MYO10: variants seen among roughly 807,000 people sequenced by gnomAD.
The protein encoded by MYO10 is unconventional myosin-X.
Under a neutral mutation model 257.3 loss-of-function variants are expected in MYO10, and 133 were observed. The observed-to-expected ratio is 0.52, with a 90% confidence interval of 0.45 to 0.60. MYO10 has a LOEUF of 0.60. Among genes scored for constraint, MYO10 ranks in the 20% least tolerant of loss-of-function variants. The probability of loss-of-function intolerance (pLI) is 0.00; values close to 1 mark genes in which losing one functional copy is unlikely to be tolerated. For missense variants in MYO10, 2,399 were observed against 2,635.7 expected (o/e 0.91, Z 1.97); for synonymous variants, 1,104 against 1,028.6 (o/e 1.07, Z -1.40).
intron 24 of MYO10, among the ~76,000 whole-genome samples, 169 bp downstream of exon 24, chr5:16,702,374 C>T (rs1044029206): frequency 8.5e-5 from 13 of 152,236 alleles, no homozygotes; most frequent in African/African-American, 2.7e-4. Flanking sequence ...CCATTCACTA[C>T]GCTTTACCCA....
intron 2 of MYO10, among the ~76,000 whole-genome samples, chr5:16,861,757 T>C (rs556871215): frequency 3.9e-5 from 6 of 152,220 alleles, no homozygotes; most frequent in Middle Eastern, 3.4e-3. Context: ...CCAACTCCCA[T>C]TACCAGTCTC....
Position 16,676,711 on chromosome 5 carries a change from G to A in MYO10, c.4543-557C>T, listed in dbSNP as rs554467111. ...AGCCTGGCTGACAGAGCGAGACTCC[G>A]TCTCAAAAAAAAATTTAGGCTGGGC... On this transcript the variant is annotated intron_variant, in intron 33 of 40. Coordinates refer to ENST00000513610, the MANE Select transcript of MYO10 (RefSeq NM_012334.3). Among the ~76,000 whole-genome samples the A allele has an allele frequency of 3.9e-5, 6 of 152,154 alleles. No individual in the cohort carries two copies. The South Asian group carries it at 8.3e-4, about 21-fold the overall frequency.
chr5:16,806,445 GACCACGTTAAC>G (rs1343144407), intron 3 of MYO10, among the ~76,000 whole-genome samples: 1 of 151,020 alleles, frequency 6.6e-6, no homozygotes, highest in Non-Finnish European at 1.5e-5. Context: ...AGGAGATCGA[GACCACGTTAAC>G]ACGGTGAAAC....
rs754766451 is a variant in MYO10 at position 16,668,423 on chromosome 5, C to T, written c.5929G>A (p.Ala1977Thr). 6.8e-6 allele frequency: 11 copies of T among 1,613,154 alleles called. No individual in the cohort carries two copies. Among genetic ancestry groups the T allele is most frequent in the Middle Eastern group, 1.6e-4 (1 of 6,066 alleles). Reference sequence around the variant, plus strand: ...CGCTTGTAGACGGAGACGGCGTCCGCGCTGACACCCAACCAGAGTTCCTGA... The same window carrying T: ...CGCTTGTAGACGGAGACGGCGTCCGTGCTGACACCCAACCAGAGTTCCTGA... ...FPQELWLGVSADAVSVYKRGE... is the reference protein window; with the variant it reads ...FPQELWLGVSTDAVSVYKRGE... Residue 1977 changes from alanine to threonine, a missense_variant, in exon 40 of 41, where the codon GCG becomes ACG. Ala to Thr is a moderately conservative substitution (Grantham distance 58). Around this residue, in one of 3 missense-constraint regions of MYO10, gnomAD observed 1,820 missense variants for 1,939.4 expected, o/e 0.94. Coordinates refer to ENST00000513610, the MANE Select transcript of MYO10 (RefSeq NM_012334.3).
At chr5:16,688,211 G>GT (rs1377327762) in intron 28 of MYO10, among the ~76,000 whole-genome samples, 1 of 152,124 alleles carries the variant, frequency 6.6e-6, no homozygotes, top group Non-Finnish European at 1.5e-5. Context: ...AGGTTTGCTT[G>GT]TTTTTCCAGT....
chr5:16,797,457 C>T (rs1297577510), intron 3 of MYO10, among the ~76,000 whole-genome samples: 4 of 152,046 alleles, frequency 2.6e-5, no homozygotes, highest in Admixed American at 1.3e-4. Flanking sequence ...TACCATATGA[C>T]CCAGCGATTC....
At chr5:16,788,622 G>T (rs754765425) in intron 4 of MYO10, among the ~76,000 whole-genome samples, 6 of 152,060 alleles carry the variant, frequency 3.9e-5, no homozygotes, top group Admixed American at 6.6e-5. Flanking sequence ...ACTTAAGTCT[G>T]GGACTCAAAT....
At chr5:16,771,031 G>A (rs1741033296) in intron 9 of MYO10, among the ~76,000 whole-genome samples, 1 of 152,136 alleles carries the variant, frequency 6.6e-6, no homozygotes, top group Non-Finnish European at 1.5e-5. Context: ...GCTTCCCAAA[G>A]TGCCAGGATT....
At chr5:16,859,177 G>A (rs1744044677) in intron 2 of MYO10, among the ~76,000 whole-genome samples, 1 of 152,168 alleles carries the variant, frequency 6.6e-6, no homozygotes, top group Non-Finnish European at 1.5e-5. Context: ...AACTACCACA[G>A]ACTGGATGGC....
intron 19 of MYO10, among the ~76,000 whole-genome samples, chr5:16,740,331 G>C (rs1477391022): frequency 6.6e-6 from 1 of 152,092 alleles, no homozygotes; most frequent in African/African-American, 2.4e-5. Context: ...CGTTAATTCA[G>C]GGCGGCTAAT....
rs575284564 is a variant in MYO10, at chr5:16,747,873, C to G, written c.1929+6955G>C. 2.9e-3 allele frequency among the ~76,000 whole-genome samples: 356 copies of G among 124,792 alleles called. 1 individual carries two copies. Among genetic ancestry groups the G allele is most frequent in the Admixed American group, 9.7e-3 (91 of 9,400 alleles). 81.9% of individuals were successfully genotyped at this position (124,792 alleles called of 152,430 possible). A position where few individuals can be genotyped will look rare whatever the true frequency, so the allele number is the denominator to read the frequency against. On this transcript the variant is annotated intron_variant, in intron 19 of 40. Transcript: ENST00000513610. ...GGCGGAGCTTGCAGTGAGCCGAGAT[C>G]GTGCCACTGCACTCTAGACTGGGCG...
chr5:16,783,194 CA>C (rs1219724204), intron 5 of MYO10, 140 bp downstream of exon 5: 1 of 862,956 alleles, frequency 1.2e-6, no homozygotes, highest in African/African-American at 1.7e-5. Context: ...ATGTGCATGG[CA>C]AGACCTTTTC....
chr5:16,696,893 A>G (rs1376052746), intron 26 of MYO10, among the ~76,000 whole-genome samples: 15 of 151,892 alleles, frequency 9.9e-5, no homozygotes, highest in African/African-American at 3.6e-4. Context: ...ATACATTAAG[A>G]GGAATATTGA....
intron 2 of MYO10, among the ~76,000 whole-genome samples, chr5:16,860,541 T>C (rs1224308118): frequency 1.3e-5 from 2 of 152,196 alleles, no homozygotes; most frequent in South Asian, 2.1e-4. Flanking sequence ...CCAGTGGTTA[T>C]GAAGCAGCTG....
At chr5:16,766,001 A>T in intron 11 of MYO10, 79 bp downstream of exon 11, 2 of 942,252 alleles carry the variant, frequency 2.1e-6, no homozygotes, top group Non-Finnish European at 3.4e-6. Flanking sequence ...TATTATAATT[A>T]CATATTTCAA....
intron 40 of MYO10, among the ~76,000 whole-genome samples, chr5:16,667,643 C>T (rs1736236536): frequency 6.6e-6 from 1 of 151,700 alleles, no homozygotes; most frequent in South Asian, 2.1e-4. Flanking sequence ...ATGCCACATC[C>T]TCCAAGCAGC....
At position 16,748,447 on chromosome 5, in the gene MYO10, G is replaced by A. The variant is rs543500606; in HGVS notation, c.1929+6381C>T. 3.9e-5 allele frequency among the ~76,000 whole-genome samples: 6 copies of A among 152,038 alleles called. No individual in the cohort carries two copies. In the South Asian group the frequency reaches 6.2e-4, roughly 16 times the overall value. On this transcript the variant is annotated intron_variant, in intron 19 of 40. Coordinates refer to ENST00000513610, the MANE Select transcript of MYO10 (RefSeq NM_012334.3). ...TTTGGTAGAGATGGGGTTTCACCAC[G>A]TTGGCCAGGCTGGTCTCGAACTCCT...
chr5:16,714,257 G>A (rs113721951), intron 19 of MYO10, among the ~76,000 whole-genome samples: 2,847 of 151,864 alleles, frequency 0.019, 86 homozygotes, highest in African/African-American at 0.063. Flanking sequence ...ACTAGAGCTC[G>A]GACTCTTAAA....
chr5:16,928,536 C>CA (rs1349410277), intron 1 of MYO10, among the ~76,000 whole-genome samples: 2 of 151,922 alleles, frequency 1.3e-5, no homozygotes, highest in African/African-American at 4.8e-5. Context: ...GAAGTTGGGA[C>CA]AACCAGCTTT....
Sources: gnomAD v4.1 joint callset for allele counts (sites outside exome capture counted in the v4.1 genomes callset) on GRCh38, gnomAD v4.1.1 for gene constraint, gnomAD v4.1.1 regional missense constraint, MANE v1.5 for transcripts, NCBI Gene and HGNC (gene_info 2026-07-23, HGNC 2026-07-21) for gene names.